Variants in SLC38A1 observed in about 807,000 individuals in gnomAD.
SLC38A1 encodes the protein sodium-coupled neutral amino acid symporter 1.
Under a neutral mutation model 60.3 loss-of-function variants are expected in SLC38A1, and 18 were observed. That is an observed-to-expected ratio of 0.30 (90% CI 0.21 to 0.44). The LOEUF is 0.44. SLC38A1 is among the 20% of genes least tolerant of loss of function. SLC38A1 has a pLI of 1.00. For missense variants in SLC38A1, 448 were observed against 587.2 expected (o/e 0.76, Z 2.45); for synonymous variants, 196 against 212.1 (o/e 0.92, Z 0.66).
chr12:46,213,363 T>A (rs1005862512), intron 5 of SLC38A1, among the ~76,000 whole-genome samples: 3 of 152,214 alleles, frequency 2.0e-5, no homozygotes, highest in African/African-American at 7.2e-5. Context: ...CAGTCCTATA[T>A]TTATTTACAT....
At chr12:46,259,149 A>C (rs1439085173) in intron 1 of SLC38A1, among the ~76,000 whole-genome samples, 1 of 152,356 alleles carries the variant, frequency 6.6e-6, no homozygotes, top group East Asian at 1.9e-4. Context: ...ATCACGTTGC[A>C]CACCTTAAAT....
At chr12:46,258,677 G>A (rs1271644802) in intron 1 of SLC38A1, among the ~76,000 whole-genome samples, 1 of 151,878 alleles carries the variant, frequency 6.6e-6, no homozygotes, top group East Asian at 2.0e-4. Context: ...TTATTGAGAT[G>A]AAATCTCACT....
rs559101494 is a variant in SLC38A1 at position 46,191,321 on chromosome 12, GT to G, written c.1363-2251del. On this transcript the variant is annotated intron_variant, in intron 16 of 16. Transcript: ENST00000398637. ...TCTGTTTTGGTACCAGTACCATGCT[GT>G]TTTCGTTACTGTAGCCTTGTAGTAC... Among the ~76,000 whole-genome samples the G allele has an allele frequency of 1.3e-4, 20 of 152,296 alleles. No individual in the cohort carries two copies. In the South Asian group the frequency reaches 3.9e-3, roughly 30 times the overall value.
chr12:46,192,067 T>C (rs1592057653), intron 16 of SLC38A1, among the ~76,000 whole-genome samples: 1 of 152,204 alleles, frequency 6.6e-6, no homozygotes, highest in Non-Finnish European at 1.5e-5. Context: ...TGGCTGTGGG[T>C]TTGTCATAAA....
chr12:46,248,587 C>T (rs1409928173), intron 1 of SLC38A1, among the ~76,000 whole-genome samples: 2 of 152,136 alleles, frequency 1.3e-5, no homozygotes, highest in Non-Finnish European at 2.9e-5. Flanking sequence ...TAATGGGAGG[C>T]TTTAACACCC....
chr12:46,204,246 T>C (rs375204475), intron 11 of SLC38A1, 55 bp downstream of exon 11: 4 of 1,083,298 alleles, frequency 3.7e-6, no homozygotes, highest in Admixed American at 3.4e-5. Context: ...GCATGAGAAA[T>C]AGAATGTCCT....
chr12:46,218,428 G>A (rs1403309333), intron 5 of SLC38A1, among the ~76,000 whole-genome samples: 1 of 152,094 alleles, frequency 6.6e-6, no homozygotes, highest in Admixed American at 6.6e-5. Context: ...TAGAAAGGTG[G>A]ATTGGGGGCT....
intron 5 of SLC38A1, among the ~76,000 whole-genome samples, chr12:46,210,106 T>G (rs1049935060): frequency 2.0e-5 from 3 of 152,212 alleles, no homozygotes; most frequent in Non-Finnish European, 2.9e-5. Flanking sequence ...CCGTTCGCTC[T>G]GCGTGGGCTG....
intron 3 of SLC38A1, among the ~76,000 whole-genome samples, chr12:46,237,629 C>T (rs918220016): frequency 2.6e-5 from 4 of 151,778 alleles, no homozygotes; most frequent in African/African-American, 4.9e-5. Flanking sequence ...GCCTAAGTTG[C>T]GGGTGAGAAT....
At chr12:46,223,410 C>T (rs961490153) in intron 5 of SLC38A1, among the ~76,000 whole-genome samples, 13 of 151,744 alleles carry the variant, frequency 8.6e-5, no homozygotes, top group African/African-American at 2.9e-4. Context: ...CTATGCACCA[C>T]GCACTACTAT....
chr12:46,209,157 A>G (rs1216310728), intron 5 of SLC38A1, 30 bp from the exon 6 acceptor site: 1 of 1,416,490 alleles, frequency 7.1e-7, no homozygotes, highest in East Asian at 2.3e-5. Context: ...TCTTATTGTA[A>G]TATCTAGAAA....
At position 46,184,796 on chromosome 12, in the gene SLC38A1, A is replaced by G. The variant is rs1938879954; in HGVS notation, c.*4174T>C. On this transcript the variant is annotated 3_prime_UTR_variant, in exon 17 of 17. Coordinates refer to ENST00000398637, the MANE Select transcript of SLC38A1 (RefSeq NM_030674.4). The stretch of plus-strand genomic sequence containing the variant: ...GGTCTTTTATTTTAATTTCTTTCAC[A>G]ACTGCCTCGCCCCAACCAAAGCCTC... 2.0e-5 allele frequency: 3 copies of G among 152,186 alleles called. No individual in the cohort carries two copies. The highest frequency in any genetic ancestry group is 7.2e-5 in the African/African-American group (3 of 41,452). The allele number at this position is 152,186 out of a possible 1,614,324, so 9.4% of individuals were successfully genotyped here.
At chr12:46,263,494 T>C (rs562491029) in intron 1 of SLC38A1, among the ~76,000 whole-genome samples, 10 of 152,314 alleles carry the variant, frequency 6.6e-5, no homozygotes, top group Non-Finnish European at 1.2e-4. Flanking sequence ...GTAAGTCACA[T>C]AAAATATGCC....
intron 3 of SLC38A1, among the ~76,000 whole-genome samples, chr12:46,231,855 G>T (rs1339408321): frequency 6.6e-6 from 1 of 152,144 alleles, no homozygotes; most frequent in African/African-American, 2.4e-5. Flanking sequence ...AGCCAGGCTG[G>T]TCTTGAACTC....
At chr12:46,196,303 G>A in intron 16 of SLC38A1, 1 of 1,534,710 alleles carries the variant, frequency 6.5e-7, no homozygotes. Context: ...GCAAATTGGG[G>A]GTTGACATGG....
At chr12:46,202,957 A>T (rs1939727957) in intron 12 of SLC38A1, 53 bp downstream of exon 12, 2 of 1,371,968 alleles carry the variant, frequency 1.5e-6, no homozygotes, top group South Asian at 2.4e-5. Context: ...ATACTTGCCT[A>T]TTAATGAGGG....
At position 46,188,693 on chromosome 12, in the gene SLC38A1, G is replaced by C. The variant is rs1939020437; in HGVS notation, c.*277C>G. 3.4e-6 allele frequency: 1 copy of C among 297,700 alleles called. No individual in the cohort carries two copies. The allele number at this position is 297,700 out of a possible 1,614,324, so 18.4% of individuals were successfully genotyped here. The stretch of plus-strand genomic sequence containing the variant: ...CGGGAAGCCACAAAACATAGAGTTA[G>C]ATGGGTAAAAAATGATTGTGAAAAG... On this transcript the variant is annotated 3_prime_UTR_variant, in exon 17 of 17. Transcript: ENST00000398637.
Position 46,268,962 on chromosome 12 carries a change from C to T in SLC38A1, c.-645G>A, listed in dbSNP as rs990398040. 1.8e-5 allele frequency: 8 copies of T among 440,842 alleles called. No homozygotes were observed. Among genetic ancestry groups the T allele is most frequent in the Middle Eastern group, 3.3e-4 (1 of 3,016 alleles). The allele number at this position is 440,842 out of a possible 1,614,324, so 27.3% of individuals were successfully genotyped here. A position where few individuals can be genotyped will look rare whatever the true frequency, so the allele number is the denominator to read the frequency against. ...AACCATGGCTTGTGATGGTTTAACG[C>T]GGACAGGCCATTCCTCCCCGTCCCG... On this transcript the variant is annotated 5_prime_UTR_variant, in exon 1 of 17. Coordinates refer to ENST00000398637, the MANE Select transcript of SLC38A1 (RefSeq NM_030674.4). The surrounding 1 kb of genome is among the most constrained non-coding windows in gnomAD (Gnocchi z 4.4).
chr12:46,199,798 C>A (rs1189064890), intron 13 of SLC38A1, among the ~76,000 whole-genome samples: 1 of 152,128 alleles, frequency 6.6e-6, no homozygotes, highest in South Asian at 2.1e-4. Flanking sequence ...CTCCTGTCTC[C>A]TGCAAGGGCC....
Sources: allele counts gnomAD v4.1 joint callset (sites outside exome capture counted in the v4.1 genomes callset), GRCh38; gene constraint gnomAD v4.1.1; non-coding constraint Gnocchi (gnomAD v3.1); transcripts MANE v1.5; gene names NCBI Gene and HGNC (gene_info 2026-07-23, HGNC 2026-07-21).